CDH11: variants seen among roughly 807,000 people sequenced by gnomAD.
The protein encoded by CDH11 is cadherin 11, also known as cadherin-11.
A neutral mutation model predicts 67.8 loss-of-function variants in CDH11; 11 were observed. That is an observed-to-expected ratio of 0.16 (90% CI 0.10 to 0.27). The LOEUF (loss-of-function observed/expected upper bound fraction) is 0.27, where lower values mean the gene tolerates loss of function less well. CDH11 is among the 10% of genes least tolerant of loss of function. CDH11 has a pLI of 1.00. For missense variants in CDH11, 847 were observed against 1,031.2 expected, an observed-to-expected ratio of 0.82 and a Z score of 2.45; for synonymous variants, 419 against 400.0, an observed-to-expected ratio of 1.05 and a Z score of -0.57.
intron 1 of CDH11, among the ~76,000 whole-genome samples, chr16:65,062,412 C>A (rs1015120932): frequency 6.6e-6 from 1 of 152,000 alleles, no homozygotes; most frequent in African/African-American, 2.4e-5. Flanking sequence ...TTGTTGTATG[C>A]CAAAATAGTC....
At chr16:64,976,344 G>A (rs1037593637) in intron 8 of CDH11, among the ~76,000 whole-genome samples, 2 of 151,946 alleles carry the variant, frequency 1.3e-5, no homozygotes, top group Non-Finnish European at 2.9e-5. Context: ...ACTAAAGGGA[G>A]ATAATATTTC....
At chr16:64,998,511 C>A in intron 4 of CDH11, 51 bp downstream of exon 4, 1 of 1,570,722 alleles carries the variant, frequency 6.4e-7, no homozygotes, top group East Asian at 2.3e-5. Context: ...GCCCACCCAC[C>A]ACAGAGACAC....
intron 11 of CDH11, among the ~76,000 whole-genome samples, chr16:64,953,110 G>A (rs1389114217): frequency 1.3e-5 from 2 of 151,724 alleles, no homozygotes; most frequent in Non-Finnish European, 2.9e-5. Flanking sequence ...TTCAAATTTT[G>A]TATTATTTTG....
chr16:64,947,615 AT>A lies in CDH11; in HGVS notation c.2378del (p.Asp793ValfsTer27). On this transcript the variant is annotated frameshift_variant, in exon 13 of 13. Transcript: ENST00000268603. LOFTEE classifies it high-confidence loss of function. ...ADLYGSKDTF[D>X]DDS ...TGTATCGTTATTGTTAAGAATCGTC[AT>A]CAAAAGTGTCTTTGGAACCATACAA... 1 of 1,606,900 alleles carries A rather than the reference AT, an allele frequency of 6.2e-7. No individual in the cohort carries two copies. Among genetic ancestry groups the A allele is most frequent in the Non-Finnish European group, 8.5e-7 (1 of 1,174,438 alleles).
rs143160643 is a variant in CDH11 at position 64,960,988 on chromosome 16, C to T, written c.1643-9970G>A. Among the ~76,000 whole-genome samples the T allele has an allele frequency of 5.6e-4, 85 of 152,186 alleles. 1 individual carries two copies. The East Asian group carries it at 0.013, about 23-fold the overall frequency. ...ATGATAACTATCAAAATTAGTTGTG[C>T]TTTCACAATATAACTAATTTTGCTG... On this transcript the variant is annotated intron_variant, in intron 11 of 12. Coordinates refer to ENST00000268603, the MANE Select transcript of CDH11 (RefSeq NM_001797.4).
intron 3 of CDH11, among the ~76,000 whole-genome samples, chr16:65,002,819 C>T (rs2072951786): frequency 6.6e-6 from 1 of 152,134 alleles, no homozygotes; most frequent in Admixed American, 6.5e-5. Context: ...CAGGTTATTC[C>T]CATGTTGTCC....
At chr16:64,964,883 A>G (rs562491778) in intron 11 of CDH11, among the ~76,000 whole-genome samples, 1 of 152,150 alleles carries the variant, frequency 6.6e-6, no homozygotes, top group East Asian at 1.9e-4. Flanking sequence ...TTTAGGCTAC[A>G]CTAAACTTAT....
chr16:65,032,318 C>G (rs1181262101), intron 2 of CDH11, among the ~76,000 whole-genome samples: 2 of 137,098 alleles, frequency 1.5e-5, no homozygotes, highest in Non-Finnish European at 3.0e-5. Context: ...GAAACTCTGT[C>G]TCTCCCAAAA....
chr16:65,079,095 G>C (rs2074565518), intron 1 of CDH11, among the ~76,000 whole-genome samples: 2 of 152,146 alleles, frequency 1.3e-5, no homozygotes, highest in African/African-American at 4.8e-5. Flanking sequence ...CATTCAGGAA[G>C]AAACTATTGA....
intron 1 of CDH11, among the ~76,000 whole-genome samples, chr16:65,076,345 A>AAAAAAC (rs573189040): frequency 2.6e-5 from 4 of 152,004 alleles, no homozygotes; most frequent in East Asian, 3.9e-4. Context: ...CGACAAACCA[A>AAAAAAC]AAAAACAAAA....
intron 1 of CDH11, among the ~76,000 whole-genome samples, chr16:65,081,254 G>T (rs2074604466): frequency 6.6e-6 from 1 of 152,068 alleles, no homozygotes; most frequent in Non-Finnish European, 1.5e-5. Flanking sequence ...ATCAAACAAT[G>T]ACCTGCACAG....
At chr16:64,953,497 T>G (rs1368648181) in intron 11 of CDH11, among the ~76,000 whole-genome samples, 2 of 152,092 alleles carry the variant, frequency 1.3e-5, no homozygotes, top group Non-Finnish European at 2.9e-5. Context: ...TTTGTATGAT[T>G]GGCATACATT....
chr16:64,961,196 G>C (rs1263775655), intron 11 of CDH11, among the ~76,000 whole-genome samples: 2 of 152,150 alleles, frequency 1.3e-5, no homozygotes, highest in East Asian at 3.9e-4. Context: ...ACACTAACTA[G>C]AGAAGAAGCA....
chr16:65,047,078 C>T (rs1230627704), intron 2 of CDH11, among the ~76,000 whole-genome samples: 1 of 152,136 alleles, frequency 6.6e-6, no homozygotes, highest in Non-Finnish European at 1.5e-5. Context: ...TGCACCACTG[C>T]CCTCCAACCT....
In CDH11 at chr16:64,960,418, C is replaced by G. The variant is rs1168647550; in HGVS notation, c.1643-9400G>C. 2.0e-5 allele frequency among the ~76,000 whole-genome samples: 3 copies of G among 152,238 alleles called. No homozygotes were observed. The East Asian group carries it at 5.8e-4, about 29-fold the overall frequency. ...TTCTTAAGTGTTGGGATACTGGCCT[C>G]ACAGAGCTCAGATTCTAGTGGGAGA... On this transcript the variant is annotated intron_variant, in intron 11 of 12. Transcript: ENST00000268603.
chr16:65,121,808 C>T lies in CDH11; in HGVS notation c.-298+72G>A. 1 of 701,282 alleles carries T rather than the reference C, an allele frequency of 1.4e-6. No homozygotes were observed. Among genetic ancestry groups the T allele is most frequent in the Non-Finnish European group, 2.6e-6 (1 of 384,274 alleles). 43.4% of individuals were successfully genotyped at this position (701,282 alleles called of 1,614,324 possible). A position where few individuals can be genotyped will look rare whatever the true frequency, so the allele number is the denominator to read the frequency against. On this transcript the variant is annotated intron_variant, in intron 1 of 12. Coordinates refer to ENST00000268603, the MANE Select transcript of CDH11 (RefSeq NM_001797.4). This position sits in a 1 kb window ranked among gnomAD's most constrained non-coding sequence, Gnocchi z 4.1. ...CCCGCCCCGCCAAGACATTCTCTTC[C>T]TGAGAAAATCCTGCCCCCCATTCCA...
chr16:65,074,284 T>C (rs2074469143), intron 1 of CDH11, among the ~76,000 whole-genome samples: 1 of 152,158 alleles, frequency 6.6e-6, no homozygotes. Flanking sequence ...GCCAGCTCGA[T>C]ATACCCAAAT....
intron 2 of CDH11, among the ~76,000 whole-genome samples, chr16:65,005,619 G>A (rs953951657): frequency 5.3e-5 from 8 of 152,220 alleles, no homozygotes; most frequent in Admixed American, 5.2e-4. Flanking sequence ...AAGATCCCAA[G>A]AAACCATTGA....
intron 1 of CDH11, among the ~76,000 whole-genome samples, chr16:65,116,538 G>A (rs1029116093): frequency 6.6e-6 from 1 of 152,140 alleles, no homozygotes; most frequent in African/African-American, 2.4e-5. Flanking sequence ...GCAAATAAGG[G>A]GTGTGGAGTT....
Sources: allele counts gnomAD v4.1 joint callset (sites outside exome capture counted in the v4.1 genomes callset), GRCh38; gene constraint gnomAD v4.1.1; non-coding constraint Gnocchi (gnomAD v3.1); transcripts MANE v1.5; gene names NCBI Gene and HGNC (gene_info 2026-07-23, HGNC 2026-07-21).